The following ACACB variants were observed in gnomAD, a reference collection of about 807,000 sequenced individuals.
ACACB encodes the protein acetyl-CoA carboxylase beta, also known as acetyl-CoA carboxylase 2.
In ACACB, 209 loss-of-function variants were observed where a neutral mutation model predicts 278.8. The ratio of observed to expected loss-of-function variants is 0.75; its 90% CI spans 0.67 to 0.84. ACACB has a LOEUF of 0.84. Among genes scored for constraint, ACACB ranks in the 40% least tolerant of loss-of-function variants. ACACB has a pLI of 0.00. For synonymous variants in ACACB, 1,174 were observed against 1,285.6 expected (o/e 0.91, Z 1.86); for missense variants, 2,850 against 3,269.0 (o/e 0.87, Z 3.13).
chr12:109,130,466 G>T (rs1180143272), intron 1 of ACACB, among the ~76,000 whole-genome samples: 3 of 152,194 alleles, frequency 2.0e-5, no homozygotes, highest in Non-Finnish European at 2.9e-5. Context: ...GGAAGAACTG[G>T]CCTGGAGCCG....
intron 50 of ACACB, among the ~76,000 whole-genome samples, chr12:109,264,692 CA>C (rs2047468684): frequency 6.6e-6 from 1 of 152,066 alleles, no homozygotes; most frequent in Non-Finnish European, 1.5e-5. Context: ...GGACCTGGAC[CA>C]GGGGTAGAAA....
Position 109,206,109 on chromosome 12 carries a change from G to C in ACACB, c.2914-601G>C, listed in dbSNP as rs549570228. 3.3e-5 allele frequency among the ~76,000 whole-genome samples: 5 copies of C among 152,184 alleles called. No individual in the cohort carries two copies. In the South Asian group the frequency reaches 1.0e-3, roughly 32 times the overall value. ...GAATGAAAATAAATACAGAACATGAGATTTGTTGATTATAAAGCAAAACAA... is the reference window on the plus strand; with the variant it reads ...GAATGAAAATAAATACAGAACATGACATTTGTTGATTATAAAGCAAAACAA... On this transcript the variant is annotated intron_variant, in intron 19 of 52. Transcript: ENST00000338432.
At chr12:109,196,795 A>G (rs146918188) in intron 16 of ACACB, among the ~76,000 whole-genome samples, 52 of 152,286 alleles carry the variant, frequency 3.4e-4, no homozygotes, top group African/African-American at 1.0e-3. Flanking sequence ...GCCTACCCAC[A>G]GGGCAGGTGT....
At chr12:109,238,574 T>G (rs1166634000) in intron 34 of ACACB, among the ~76,000 whole-genome samples, 1 of 147,150 alleles carries the variant, frequency 6.8e-6, no homozygotes, top group Non-Finnish European at 1.5e-5. Flanking sequence ...TATATATATA[T>G]TTTTTTGGAG....
At chr12:109,112,472 G>A (rs1167799890), upstream of ACACB, among the ~76,000 whole-genome samples, 1 of 151,860 alleles carries the variant, frequency 6.6e-6, no homozygotes, top group East Asian at 1.9e-4. Flanking sequence ...GGTGGCCGAG[G>A]TGGGTGGATC....
chr12:109,211,943 C>T (rs1186505982), intron 21 of ACACB, among the ~76,000 whole-genome samples: 3 of 152,102 alleles, frequency 2.0e-5, no homozygotes, highest in Non-Finnish European at 4.4e-5. Context: ...AAAGGCAATA[C>T]ACCGATAACA....
At chr12:109,114,774 C>A (rs536364268), upstream of ACACB, among the ~76,000 whole-genome samples, 3 of 151,892 alleles carry the variant, frequency 2.0e-5, no homozygotes, top group South Asian at 6.2e-4. Flanking sequence ...ATCATTTGAG[C>A]CCAGGAGTTC....
intron 45 of ACACB, 115 bp downstream of exon 45, chr12:109,256,351 T>C: frequency 2.5e-6 from 2 of 801,630 alleles, no homozygotes; most frequent in Middle Eastern, 2.3e-4. Context: ...CAGGATTTTC[T>C]AAAAGAAAAA....
intron 11 of ACACB, among the ~76,000 whole-genome samples, chr12:109,180,897 A>G (rs1238795666): frequency 1.3e-5 from 2 of 152,218 alleles, no homozygotes; most frequent in East Asian, 1.9e-4. Context: ...CTGTTGTACT[A>G]TATCAAATAG....
Position 109,258,980 on chromosome 12 carries a change from A to G in ACACB, c.6368A>G (p.Gln2123Arg), listed in dbSNP as rs1565981760. The G allele has an allele frequency of 3.7e-6, 6 of 1,614,116 alleles. No homozygotes were observed. The South Asian group carries it at 6.6e-5, about 18-fold the overall frequency. ...CGCAGCTCTGTGTTCCAGATAATTC[A>G]GCAGGCAGGACAGGTGTGGTTCCCA... ...ANLDSEAKII[Q>R]QAGQVWFPDS... The change falls in exon 47 of 53, where the codon CAG (glutamine) becomes CGG (arginine). Residue 2123 changes from glutamine to arginine, a missense_variant. By Grantham distance (43) the Gln-to-Arg change is conservative. Around this residue, in one of 3 missense-constraint regions of ACACB, gnomAD observed 579 missense variants for 684.6 expected, o/e 0.85. Transcript: ENST00000338432.
intron 16 of ACACB, among the ~76,000 whole-genome samples, chr12:109,196,625 G>A (rs1039657266): frequency 6.6e-6 from 1 of 152,164 alleles, no homozygotes; most frequent in Non-Finnish European, 1.5e-5. Flanking sequence ...ATTTTGCGGG[G>A]ACACAAACGT....
Position 109,232,717 on chromosome 12 carries a change from C to T in ACACB, c.4050C>T (p.Ser1350=), listed in dbSNP as rs2136603233. The change falls in exon 29 of 53, where the codon AGC becomes AGT. Residue 1350 remains serine (S), a synonymous_variant. Coordinates refer to ENST00000338432, the MANE Select transcript of ACACB (RefSeq NM_001093.4). ...CCAACCCTGACCTGCTGAGGCACAG[C>T]ACAGAGCTCTTCATGGACAGCGGCT... ...SITNPDLLRH[S]TELFMDSGFS... is the part of the protein sequence containing the mutation. 5 of 1,614,204 alleles carry T rather than the reference C, an allele frequency of 3.1e-6. 1 individual carries two copies. The East Asian group carries it at 1.1e-4, about 36-fold the overall frequency.
chr12:109,189,881 C>CA lies in ACACB; in HGVS notation c.2144+1719_2144+1720insA, dbSNP rs557914702. On this transcript the variant is annotated intron_variant, in intron 13 of 52. Coordinates refer to ENST00000338432, the MANE Select transcript of ACACB (RefSeq NM_001093.4). Reference sequence around the variant, plus strand: ...ATCCCAGCACTTTGGGAGGCCAAGGCGGGCAGATCACTTGAAGCCAGGAGT... The same window carrying CA: ...ATCCCAGCACTTTGGGAGGCCAAGGCAGGGCAGATCACTTGAAGCCAGGAGT... Among the ~76,000 whole-genome samples, 11 of 152,232 alleles carry CA rather than the reference C, an allele frequency of 7.2e-5. No homozygotes were observed. The East Asian group carries it at 1.7e-3, about 24-fold the overall frequency.
At chr12:109,166,001 G>A (rs1354658531) in intron 2 of ACACB, among the ~76,000 whole-genome samples, 2 of 152,158 alleles carry the variant, frequency 1.3e-5, no homozygotes, top group Non-Finnish European at 2.9e-5. Context: ...AAGAAATTTT[G>A]TGGGCTGGGC....
intron 16 of ACACB, among the ~76,000 whole-genome samples, chr12:109,195,335 G>A (rs2045081618): frequency 6.6e-6 from 1 of 152,182 alleles, no homozygotes. Flanking sequence ...TAATATTGAT[G>A]AGCATGAGTA....
intron 2 of ACACB, among the ~76,000 whole-genome samples, chr12:109,155,239 C>G (rs994094631): frequency 6.6e-6 from 1 of 152,170 alleles, no homozygotes; most frequent in African/African-American, 2.4e-5. Context: ...ACGCCTTCCC[C>G]GCTTTCTCTC....
chr12:109,233,685 A>G (rs1320358198), intron 29 of ACACB, 63 bp from the exon 30 acceptor site: 8 of 1,421,406 alleles, frequency 5.6e-6, no homozygotes, highest in Non-Finnish European at 7.9e-6. Context: ...CTGGCTTGGA[A>G]GCTTGACCTC....
At chr12:109,161,970 A>G (rs1230615595) in intron 2 of ACACB, among the ~76,000 whole-genome samples, 1 of 151,172 alleles carries the variant, frequency 6.6e-6, no homozygotes, top group Non-Finnish European at 1.5e-5. Context: ...TTGTAAATAA[A>G]TGAAGTTCTC....
Position 109,240,102 on chromosome 12 carries a change from A to T in ACACB, c.4818+117A>T, listed in dbSNP as rs2046752314. 3.2e-6 allele frequency: 4 copies of T among 1,234,052 alleles called. No individual in the cohort carries two copies. The South Asian group carries it at 6.0e-5, about 19-fold the overall frequency. The allele number at this position is 1,234,052 out of a possible 1,614,324, so 76.4% of individuals were successfully genotyped here. A position where few individuals can be genotyped will look rare whatever the true frequency, so the allele number is the denominator to read the frequency against. On this transcript the variant is annotated intron_variant, in intron 35 of 52. Transcript: ENST00000338432. ...TGGGTTCCAGGATGAAACCATGCGTATCTGAGCCTCAGTTGCTGCGGGAGG... is the reference window on the plus strand; with the variant it reads ...TGGGTTCCAGGATGAAACCATGCGTTTCTGAGCCTCAGTTGCTGCGGGAGG...
Sources: allele counts gnomAD v4.1 joint callset (sites outside exome capture counted in the v4.1 genomes callset), GRCh38; gene constraint gnomAD v4.1.1; regional missense constraint gnomAD v4.1.1; transcripts MANE v1.5; gene names NCBI Gene and HGNC (gene_info 2026-07-23, HGNC 2026-07-21).